Variants in MTUS2 observed in about 807,000 individuals in gnomAD.
MTUS2 encodes microtubule associated scaffold protein 2.
A neutral mutation model predicts 114.1 loss-of-function variants in MTUS2; 40 were observed. That is an observed-to-expected ratio of 0.35 (90% CI 0.27 to 0.46). The LOEUF (loss-of-function observed/expected upper bound fraction) is 0.46. MTUS2 is among the 20% of genes least tolerant of loss of function. MTUS2 has a pLI of 1.00. For missense variants in MTUS2, 1,679 were observed against 1,705.4 expected (o/e 0.98, Z 0.27); for synonymous variants, 688 against 672.0 (o/e 1.02, Z -0.37).
intron 2 of MTUS2, among the ~76,000 whole-genome samples, chr13:29,018,256 C>G (rs545267385): frequency 6.6e-6 from 1 of 152,276 alleles, no homozygotes; most frequent in East Asian, 1.9e-4. Flanking sequence ...CCTTGAATGT[C>G]AAGCCGAGAG....
intron 5 of MTUS2, among the ~76,000 whole-genome samples, chr13:29,137,052 T>C (rs1485738646): frequency 6.6e-6 from 1 of 152,188 alleles, no homozygotes; most frequent in Non-Finnish European, 1.5e-5. Context: ...AGAGATGAAA[T>C]ATTCTGTGTT....
At chr13:29,013,407 T>C (rs1245070785) in intron 2 of MTUS2, among the ~76,000 whole-genome samples, 3 of 152,186 alleles carry the variant, frequency 2.0e-5, no homozygotes, top group Non-Finnish European at 4.4e-5. Flanking sequence ...TTTAAAAAAA[T>C]TGCCTTCCTT....
intron 5 of MTUS2, among the ~76,000 whole-genome samples, chr13:29,108,695 C>T (rs540602253): frequency 3.9e-5 from 6 of 152,194 alleles, no homozygotes; most frequent in African/African-American, 1.4e-4. Context: ...GATTGAAGAC[C>T]ACACAGCATT....
intron 8 of MTUS2, among the ~76,000 whole-genome samples, chr13:29,395,521 G>T (rs1873846161): frequency 6.6e-6 from 1 of 152,154 alleles, no homozygotes; most frequent in South Asian, 2.1e-4. Flanking sequence ...AGAAGAGGGA[G>T]ATGTCAGTTG....
chr13:29,066,304 C>G (rs1888663579), intron 4 of MTUS2, among the ~76,000 whole-genome samples: 1 of 152,182 alleles, frequency 6.6e-6, no homozygotes, highest in Admixed American at 6.5e-5. Flanking sequence ...TTTATTATCT[C>G]TCACCCCGCT....
chr13:28,905,956 T>C (rs1431490979), intron 2 of MTUS2, among the ~76,000 whole-genome samples: 1 of 151,644 alleles, frequency 6.6e-6, no homozygotes, highest in Non-Finnish European at 1.5e-5. Flanking sequence ...TATTCAGAGA[T>C]GCAACTTCTT....
At chr13:29,307,534 G>T in intron 6 of MTUS2, 1 of 1,260,334 alleles carries the variant, frequency 7.9e-7, no homozygotes, top group Non-Finnish European at 1.2e-6. Flanking sequence ...TGAAAAACCT[G>T]CCAAATATGA....
chr13:29,153,110 C>G (rs1041785905), intron 5 of MTUS2, among the ~76,000 whole-genome samples: 99 of 152,122 alleles, frequency 6.5e-4, no homozygotes, highest in African/African-American at 2.3e-3. Context: ...CTCCATGATG[C>G]CTTCAAGCTA....
chr13:28,928,958 A>G (rs575061912), intron 2 of MTUS2, among the ~76,000 whole-genome samples: 7 of 152,222 alleles, frequency 4.6e-5, no homozygotes, highest in Non-Finnish European at 8.8e-5. Flanking sequence ...ACACATACAT[A>G]TATACACACA....
intron 5 of MTUS2, among the ~76,000 whole-genome samples, chr13:29,263,835 A>G (rs546164586): frequency 2.0e-5 from 3 of 152,296 alleles, no homozygotes; most frequent in East Asian, 3.9e-4. Flanking sequence ...TGGGGATTAC[A>G]TTTCAACATG....
intron 5 of MTUS2, among the ~76,000 whole-genome samples, chr13:29,194,376 A>G (rs1283072420): frequency 6.6e-6 from 1 of 150,382 alleles, no homozygotes; most frequent in Non-Finnish European, 1.5e-5. Context: ...AGAATCTACA[A>G]TGAACTCAAA....
At chr13:28,855,495 G>C (rs1876567178) in intron 2 of MTUS2, among the ~76,000 whole-genome samples, 2 of 152,032 alleles carry the variant, frequency 1.3e-5, no homozygotes, top group Admixed American at 6.6e-5. Flanking sequence ...TCATTGTTCA[G>C]CTCCCACTTA....
At chr13:29,007,229 T>G (rs939464015) in intron 2 of MTUS2, among the ~76,000 whole-genome samples, 5 of 152,036 alleles carry the variant, frequency 3.3e-5, no homozygotes, top group Admixed American at 6.6e-5. Flanking sequence ...AAGAAAACAG[T>G]TGTTTTAAAT....
chr13:29,307,484 C>A, intron 6 of MTUS2: 1 of 1,291,730 alleles, frequency 7.7e-7, no homozygotes, highest in Non-Finnish European at 1.1e-6. Flanking sequence ...TTCTGTGTCC[C>A]CACTGCCAAC....
chr13:29,002,308 A>G (rs1418034054), intron 2 of MTUS2, among the ~76,000 whole-genome samples: 1 of 152,194 alleles, frequency 6.6e-6, no homozygotes, highest in Non-Finnish European at 1.5e-5. Flanking sequence ...ATCTGGGAAC[A>G]GTTTTTAGAA....
intron 4 of MTUS2, among the ~76,000 whole-genome samples, chr13:29,073,560 G>T (rs1565993743): frequency 6.6e-6 from 1 of 152,054 alleles, no homozygotes; most frequent in Admixed American, 6.5e-5. Context: ...GGGGTGGGGG[G>T]TTACCCTTTA....
At chr13:29,331,909 C>T (rs1052644377) in intron 7 of MTUS2, among the ~76,000 whole-genome samples, 3 of 152,036 alleles carry the variant, frequency 2.0e-5, no homozygotes, top group Non-Finnish European at 4.4e-5. Flanking sequence ...GGGATAAAGC[C>T]GAGTTGATCA....
intron 2 of MTUS2, among the ~76,000 whole-genome samples, chr13:28,876,146 A>C (rs1464980501): frequency 6.6e-6 from 1 of 152,182 alleles, no homozygotes; most frequent in Non-Finnish European, 1.5e-5. Context: ...TAGTCAGTGC[A>C]CAATTTCCTT....
At chr13:29,366,317 G>T (rs1346391039) in intron 8 of MTUS2, among the ~76,000 whole-genome samples, 2 of 152,130 alleles carry the variant, frequency 1.3e-5, no homozygotes, top group Non-Finnish European at 2.9e-5. Context: ...AAAACCATCA[G>T]ATCTTGTGAG....
Sources: allele counts gnomAD v4.1 joint callset (sites outside exome capture counted in the v4.1 genomes callset), GRCh38; gene constraint gnomAD v4.1.1; transcripts MANE v1.5; gene names NCBI Gene and HGNC (gene_info 2026-07-23, HGNC 2026-07-21).